The following HCK variants were observed in gnomAD, a reference collection of about 807,000 sequenced individuals.
HCK encodes the protein tyrosine-protein kinase HCK.
Under a neutral mutation model 70.4 loss-of-function variants are expected in HCK, and 40 were observed. The observed-to-expected ratio is 0.57, with a 90% CI of 0.44 to 0.74. HCK has a LOEUF of 0.74. Among genes scored for constraint, HCK ranks in the 30% least tolerant of loss-of-function variants. The pLI, the probability that HCK is intolerant of heterozygous loss-of-function variation, is 0.00. For missense variants in HCK, 568 were observed against 697.2 expected (o/e 0.81, Z 2.09); for synonymous variants, 245 against 263.2 (o/e 0.93, Z 0.67).
intron 5 of HCK, among the ~76,000 whole-genome samples, chr20:32,078,195 C>T (rs983055483): frequency 2.7e-5 from 4 of 149,090 alleles, no homozygotes; most frequent in African/African-American, 5.0e-5. Flanking sequence ...CCACCATGCT[C>T]GGCTAATTTT....
chr20:32,101,677 A>C lies in HCK; in HGVS notation c.*158A>C. On this transcript the variant is annotated 3_prime_UTR_variant, in exon 13 of 13. Coordinates refer to ENST00000375852, the MANE Select transcript of HCK (RefSeq NM_002110.5). The stretch of plus-strand genomic sequence containing the variant: ...CTGTCCAGTGGGTAGGTTGGACTGG[A>C]AAATCTCTTTTTGACTCTTGCAATC... 1.8e-6 allele frequency: 1 copy of C among 561,708 alleles called. No individual in the cohort carries two copies. Among genetic ancestry groups the C allele is most frequent in the South Asian group, 2.7e-5 (1 of 37,118 alleles). The allele number at this position is 561,708 out of a possible 1,614,324, so 34.8% of individuals were successfully genotyped here.
chr20:32,055,047 G>C (rs78937021), intron 1 of HCK, among the ~76,000 whole-genome samples: 14,524 of 152,212 alleles, frequency 0.095, 1,017 homozygotes, highest in Admixed American at 0.22. Context: ...GTTCCTAGGC[G>C]TTCACTACAA....
intron 12 of HCK, among the ~76,000 whole-genome samples, chr20:32,099,578 G>A (rs1001660871): frequency 1.1e-4 from 16 of 151,968 alleles, no homozygotes; most frequent in Admixed American, 7.9e-4. Flanking sequence ...GGCTGGTCTC[G>A]AACTGCTGAC....
chr20:32,096,905 G>GTA (rs111353278), intron 11 of HCK, among the ~76,000 whole-genome samples: 5,127 of 149,726 alleles, frequency 0.034, 147 homozygotes, highest in African/African-American at 0.077. Context: ...GATTACAAGG[G>GTA]TATATATATA....
chr20:32,101,585 C>A lies in HCK; in HGVS notation c.*66C>A. On this transcript the variant is annotated 3_prime_UTR_variant, in exon 13 of 13. Transcript: ENST00000375852. ...GGCTGCAAGGTGGCTCCAGCACCAT[C>A]CGCCAGGGCCCACACCCCCTTCCTA... The A allele has an allele frequency of 7.5e-7, 1 of 1,341,512 alleles. No individual in the cohort carries two copies. Among genetic ancestry groups the A allele is most frequent in the East Asian group, 2.4e-5 (1 of 41,574 alleles). 83.1% of individuals were successfully genotyped at this position (1,341,512 alleles called of 1,614,324 possible).
rs201030771 is a variant in HCK at position 32,094,710 on chromosome 20, AAAGAAAGAAAG to A, written c.1246+697_1246+707del. ...AAAAGAAAAGAAAAGAAAAGAAAAG[AAAGAAAGAAAG>A]AAAGAAAGAAAGAAAGAAAGAAAGA... On this transcript the variant is annotated intron_variant, in intron 11 of 12. Transcript: ENST00000375852. Among the ~76,000 whole-genome samples, 10 of 50,430 alleles carry A rather than the reference AAAGAAAGAAAG, an allele frequency of 2.0e-4. No individual in the cohort carries two copies. In the East Asian group the frequency reaches 3.7e-3, roughly 19 times the overall value. The allele number at this position is 50,430 out of a possible 152,430, so 33.1% of individuals were successfully genotyped here. A position where few individuals can be genotyped will look rare whatever the true frequency, so the allele number is the denominator to read the frequency against.
intron 1 of HCK, among the ~76,000 whole-genome samples, chr20:32,063,527 G>A (rs2045411167): frequency 6.6e-6 from 1 of 151,950 alleles, no homozygotes; most frequent in Non-Finnish European, 1.5e-5. Context: ...GGGATTACAG[G>A]CATGAGCCCC....
In HCK at chr20:32,076,966, A is replaced by G. The variant is rs200306034; in HGVS notation, c.428+2245A>G. On this transcript the variant is annotated intron_variant, in intron 5 of 12. Coordinates refer to ENST00000375852, the MANE Select transcript of HCK (RefSeq NM_002110.5). ...CCAGGTGTGATGGCGGGCTCCTGTA[A>G]TCCCAGCTACTCAGAGGCTGAGGCA... is the stretch of plus-strand genomic sequence containing the variant. 7.9e-5 allele frequency among the ~76,000 whole-genome samples: 12 copies of G among 152,210 alleles called. No homozygotes were observed. In the East Asian group the frequency reaches 2.3e-3, roughly 29 times the overall value.
At chr20:32,052,796 G>A (rs866461954) in intron 1 of HCK, among the ~76,000 whole-genome samples, 3 of 110,994 alleles carry the variant, frequency 2.7e-5, no homozygotes, top group South Asian at 2.4e-4. Context: ...GGGGGGCGGG[G>A]ATTTTTTTTT....
chr20:32,099,187 G>A (rs374183117), intron 12 of HCK, 52 bp downstream of exon 12: 1 of 1,583,466 alleles, frequency 6.3e-7, no homozygotes, highest in African/African-American at 1.3e-5. Flanking sequence ...GTCTGGCAAT[G>A]GGCTCATCTC....
At chr20:32,083,777 C>T (rs1265959098) in intron 6 of HCK, 117 bp from the exon 7 acceptor site, 3 of 1,255,824 alleles carry the variant, frequency 2.4e-6, no homozygotes, top group African/African-American at 1.5e-5. Flanking sequence ...CCCTCGGGCA[C>T]TTCTGCCCAG....
In HCK at chr20:32,097,722, C is replaced by T. The variant is rs867773499; in HGVS notation, c.1247-1282C>T. On this transcript the variant is annotated intron_variant, in intron 11 of 12. Coordinates refer to ENST00000375852, the MANE Select transcript of HCK (RefSeq NM_002110.5). ...AAAGGAGGAAGGGAGAAAACATATA[C>T]ACACACACACACTCTCACACACACA... is the stretch of plus-strand genomic sequence containing the variant. 9.4e-5 allele frequency among the ~76,000 whole-genome samples: 14 copies of T among 148,220 alleles called. No homozygotes were observed. The Middle Eastern group carries it at 0.01, about 109-fold the overall frequency.
At chr20:32,055,441 G>A (rs1049006698) in intron 1 of HCK, among the ~76,000 whole-genome samples, 43 of 152,124 alleles carry the variant, frequency 2.8e-4, no homozygotes, top group African/African-American at 9.7e-4. Flanking sequence ...TCTTTTCTAT[G>A]CACTTTTAAA....
At position 32,085,958 on chromosome 20, in the gene HCK, G is replaced by A. The variant is rs139562019; in HGVS notation, c.836-670G>A. On this transcript the variant is annotated intron_variant, in intron 8 of 12. Coordinates refer to ENST00000375852, the MANE Select transcript of HCK (RefSeq NM_002110.5). ...GAGCAGTGTTAAGATTAAAGTGGGC[G>A]GTGTATGTGTGTGACATAACCTGAG... Among the ~76,000 whole-genome samples the A allele has an allele frequency of 1.2e-4, 18 of 152,242 alleles. 1 individual carries two copies. Among genetic ancestry groups the A allele is most frequent in the African/African-American group, 3.6e-4 (15 of 41,552 alleles).
chr20:32,074,915 C>A (rs897996384), intron 5 of HCK, among the ~76,000 whole-genome samples, 194 bp downstream of exon 5: 1 of 152,264 alleles, frequency 6.6e-6, no homozygotes, highest in South Asian at 2.1e-4. Flanking sequence ...TGGGTCCCAG[C>A]TGTGACTCTG....
At chr20:32,065,151 G>T (rs1227474452) in intron 1 of HCK, among the ~76,000 whole-genome samples, 3 of 152,230 alleles carry the variant, frequency 2.0e-5, no homozygotes, top group African/African-American at 7.2e-5. Flanking sequence ...GTCAGTGGCA[G>T]AACTGCTATC....
intron 8 of HCK, among the ~76,000 whole-genome samples, chr20:32,084,788 T>C (rs143943816): frequency 2.0e-3 from 300 of 152,330 alleles, no homozygotes; most frequent in African/African-American, 6.2e-3. Context: ...GCAGGTGTCA[T>C]GGATGAGGAA....
At chr20:32,053,764 A>T (rs765166630) in intron 1 of HCK, among the ~76,000 whole-genome samples, 1 of 151,816 alleles carries the variant, frequency 6.6e-6, no homozygotes, top group African/African-American at 2.4e-5. Context: ...CTCAGACTTT[A>T]GCCTACATCA....
At chr20:32,077,345 C>G (rs1265585843) in intron 5 of HCK, among the ~76,000 whole-genome samples, 2 of 152,152 alleles carry the variant, frequency 1.3e-5, no homozygotes, top group Non-Finnish European at 2.9e-5. Context: ...TGTCCCCAAC[C>G]AGCCACTTCC....
Sources: gnomAD v4.1 joint callset for allele counts (sites outside exome capture counted in the v4.1 genomes callset) on GRCh38, gnomAD v4.1.1 for gene constraint, MANE v1.5 for transcripts, NCBI Gene and HGNC (gene_info 2026-07-23, HGNC 2026-07-21) for gene names.